PHKA2: variants seen among roughly 807,000 people sequenced by gnomAD.
PHKA2 encodes the protein phosphorylase kinase regulatory subunit alpha 2.
Under a neutral mutation model 102.0 loss-of-function variants are expected in PHKA2, and 31 were observed. That is an observed-to-expected ratio of 0.30 (90% CI 0.23 to 0.41). The LOEUF (loss-of-function observed/expected upper bound fraction) is 0.41. Among genes scored for constraint, PHKA2 ranks in the 10% least tolerant of loss-of-function variants. PHKA2 has a pLI of 1.00. For synonymous variants in PHKA2, 455 were observed against 416.2 expected (o/e 1.09, Z -1.13); for missense variants, 858 against 1,023.1 (o/e 0.84, Z 2.20).
At chrX:18,961,817 A>G (rs1279457060) in intron 1 of PHKA2, among the ~76,000 whole-genome samples, 1 of 110,478 alleles carries the variant, frequency 9.1e-6, no homozygotes, top group Non-Finnish European at 1.9e-5. Context: ...CTTTAAAAGT[A>G]GAAAAGTGGA....
Position 18,894,394 on chromosome X carries a change from T to C in PHKA2, c.3347A>G (p.His1116Arg), listed in dbSNP as rs1364427002. 5 of 1,208,589 alleles carry C rather than the reference T, an allele frequency of 4.1e-6. No homozygotes were observed. The South Asian group carries it at 5.3e-5, about 13-fold the overall frequency. Reference protein sequence around the residue: ...PSSTTREMTPHEIKFAVHVES... With the variant: ...PSSTTREMTPREIKFAVHVES... Reference sequence around the variant, plus strand: ...GACATGGACAGCAAACTTGATCTCATGCGGGGTCATCTACCAAAGGGACAG... The same window carrying C: ...GACATGGACAGCAAACTTGATCTCACGCGGGGTCATCTACCAAAGGGACAG... Residue 1116 changes from histidine (H) to arginine (R), a missense_variant, in exon 32 of 33, where the codon CAT becomes CGT. Around this residue, in one of 2 missense-constraint regions of PHKA2, gnomAD observed 671 missense variants for 745.2 expected, o/e 0.90. Transcript: ENST00000379942.
chrX:18,954,938 C>A (rs2048752790), intron 1 of PHKA2, among the ~76,000 whole-genome samples: 1 of 112,022 alleles, frequency 8.9e-6, no homozygotes, highest in Non-Finnish European at 1.9e-5. Flanking sequence ...ACAGAAGGTG[C>A]CAAGCAAGAG....
intron 1 of PHKA2, among the ~76,000 whole-genome samples, chrX:18,969,265 T>C (rs1409047959): frequency 8.9e-6 from 1 of 111,855 alleles, no homozygotes; most frequent in Non-Finnish European, 1.9e-5. Flanking sequence ...TGCCCAAGTC[T>C]GAATGACCAT....
At chrX:18,974,543 T>C (rs1220964408) in intron 1 of PHKA2, among the ~76,000 whole-genome samples, 1 of 111,747 alleles carries the variant, frequency 8.9e-6, no homozygotes, top group Non-Finnish European at 1.9e-5. Flanking sequence ...CAAAATACCA[T>C]AGATCGGGGG....
intron 30 of PHKA2, 82 bp downstream of exon 30, chrX:18,897,081 T>G (rs2047574906): frequency 9.3e-7 from 1 of 1,075,728 alleles, no homozygotes; most frequent in Non-Finnish European, 1.3e-6. Flanking sequence ...GCTGTGTGTT[T>G]GCTCGCCTGG....
rs376181029 is a variant in PHKA2 at position 18,894,739 on chromosome X, TAAAA to T, written c.3337-339_3337-336del. 528 of 377,002 alleles carry T rather than the reference TAAAA, an allele frequency of 1.4e-3. 4 individuals carry two copies. Among genetic ancestry groups the T allele is most frequent in the African/African-American group, 0.012 (485 of 39,019 alleles). The allele number at this position is 377,002 out of a possible 1,213,427, so 31.1% of individuals were successfully genotyped here. ...CATGGTGCTTTGGGTGGGGTAAAAC[TAAAA>T]AAAAATCCATGTTAAAAAGAATGAC... On this transcript the variant is annotated intron_variant, in intron 31 of 32. Coordinates refer to ENST00000379942, the MANE Select transcript of PHKA2 (RefSeq NM_000292.3).
chrX:18,937,398 G>A (rs1057348957), intron 10 of PHKA2, among the ~76,000 whole-genome samples: 19 of 111,277 alleles, frequency 1.7e-4, no homozygotes, highest in African/African-American at 5.2e-4. Context: ...GACTATACCC[G>A]TGAACTGGAG....
At chrX:18,974,406 T>C (rs1426512939) in intron 1 of PHKA2, among the ~76,000 whole-genome samples, 2 of 111,685 alleles carry the variant, frequency 1.8e-5, no homozygotes, top group Non-Finnish European at 3.8e-5. Context: ...TCCCCAAATC[T>C]AATGGTCAAC....
At chrX:18,923,473 AG>A (rs1478080031) in intron 17 of PHKA2, among the ~76,000 whole-genome samples, 2 of 111,933 alleles carry the variant, frequency 1.8e-5, no homozygotes, top group African/African-American at 6.5e-5. Context: ...CTGGAGGGCA[AG>A]CCCTCTATCA....
intron 1 of PHKA2, among the ~76,000 whole-genome samples, chrX:18,978,004 T>C (rs991914609): frequency 9.0e-6 from 1 of 111,252 alleles, no homozygotes; most frequent in Non-Finnish European, 1.9e-5. Context: ...CTACTAAAAA[T>C]ACAAAAATTA....
At chrX:18,919,956 C>T in intron 18 of PHKA2, 76 bp downstream of exon 18, 1 of 812,999 alleles carries the variant, frequency 1.2e-6, no homozygotes, top group South Asian at 2.0e-5. Flanking sequence ...ATATTTGAGT[C>T]TTAGGGCAAT....
intron 1 of PHKA2, among the ~76,000 whole-genome samples, chrX:18,959,359 A>C (rs935882343): frequency 4.5e-5 from 5 of 112,145 alleles, no homozygotes; most frequent in Admixed American, 1.9e-4. Context: ...AATTACAATA[A>C]TTTCAGGAAG....
chrX:18,900,308 T>C (rs977049908), intron 28 of PHKA2, among the ~76,000 whole-genome samples: 5 of 111,537 alleles, frequency 4.5e-5, no homozygotes, highest in African/African-American at 1.6e-4. Flanking sequence ...CCAGGCGATC[T>C]GAGGACAGGA....
intron 22 of PHKA2, 74 bp from the exon 23 acceptor site, chrX:18,907,171 G>T: frequency 1.4e-6 from 1 of 714,853 alleles, no homozygotes; most frequent in Non-Finnish European, 2.2e-6. Flanking sequence ...CAGGCAGTGG[G>T]GAGGAGACAC....
chrX:18,982,792 C>T (rs1208785772), intron 1 of PHKA2, among the ~76,000 whole-genome samples: 1 of 111,859 alleles, frequency 8.9e-6, no homozygotes, highest in Admixed American at 9.4e-5. Flanking sequence ...CGAGATCGCG[C>T]CACTGCACTC....
chrX:18,952,727 T>A (rs1274448033), intron 2 of PHKA2, among the ~76,000 whole-genome samples, 186 bp from the exon 3 acceptor site: 2 of 112,320 alleles, frequency 1.8e-5, no homozygotes, highest in African/African-American at 6.5e-5. Flanking sequence ...AAGAAAAATC[T>A]CGACAAAGTG....
At chrX:18,973,655 A>C (rs1357480770) in intron 1 of PHKA2, among the ~76,000 whole-genome samples, 1 of 111,768 alleles carries the variant, frequency 8.9e-6, no homozygotes, top group Non-Finnish European at 1.9e-5. Flanking sequence ...CTTTTATCTG[A>C]AACAGTTTAA....
intron 26 of PHKA2, 134 bp from the exon 27 acceptor site, chrX:18,901,737 G>T: frequency 1.9e-6 from 1 of 526,351 alleles, no homozygotes; most frequent in South Asian, 2.5e-5. Flanking sequence ...CCAGCACCGA[G>T]AGCAGCACAG....
chrX:18,899,053 C>T (rs2047626421), intron 29 of PHKA2, 120 bp downstream of exon 29: 3 of 611,713 alleles, frequency 4.9e-6, no homozygotes, highest in Non-Finnish European at 8.3e-6. Context: ...AGCCTGTGAG[C>T]ATCCCGCTGA....
Sources: allele counts gnomAD v4.1 joint callset (sites outside exome capture counted in the v4.1 genomes callset), GRCh38; gene constraint gnomAD v4.1.1; regional missense constraint gnomAD v4.1.1; transcripts MANE v1.5; gene names NCBI Gene and HGNC (gene_info 2026-07-23, HGNC 2026-07-21).